Variants in XPR1 observed in about 807,000 individuals in gnomAD.
The protein encoded by XPR1 is solute carrier family 53 member 1.
A neutral mutation model predicts 87.5 loss-of-function variants in XPR1; 28 were observed. The ratio of observed to expected loss-of-function variants is 0.32; its 90% CI spans 0.24 to 0.44. The LOEUF (loss-of-function observed/expected upper bound fraction) is 0.44, where lower values mean the gene tolerates loss of function less well. Ranked by LOEUF, XPR1 falls within the 20% of genes least tolerant of loss-of-function variation. The pLI is 1.00. For missense variants in XPR1, 559 were observed against 862.3 expected (o/e 0.65, Z 4.41); for synonymous variants, 300 against 306.1 (o/e 0.98, Z 0.21).
At chr1:180,817,467 T>G (rs1650452464) in intron 7 of XPR1, among the ~76,000 whole-genome samples, 1 of 152,220 alleles carries the variant, frequency 6.6e-6, no homozygotes, top group Non-Finnish European at 1.5e-5. Flanking sequence ...TATACAGGTG[T>G]ACCATTTTTT....
At chr1:180,760,712 C>A (rs1018880085) in intron 2 of XPR1, among the ~76,000 whole-genome samples, 4 of 152,052 alleles carry the variant, frequency 2.6e-5, no homozygotes, top group Non-Finnish European at 5.9e-5. Flanking sequence ...TAGATTCAAT[C>A]CCATCACCAT....
chr1:180,807,734 A>G (rs902279397), intron 6 of XPR1, among the ~76,000 whole-genome samples: 25 of 152,180 alleles, frequency 1.6e-4, no homozygotes, highest in African/African-American at 6.0e-4. Context: ...GCCAGGCACG[A>G]TGGCTCATGC....
chr1:180,842,390 A>T (rs1399377229), intron 11 of XPR1, among the ~76,000 whole-genome samples: 1 of 152,170 alleles, frequency 6.6e-6, no homozygotes, highest in African/African-American at 2.4e-5. Context: ...AGGAGGTTGG[A>T]GGTTTAGGCA....
At chr1:180,681,072 T>C (rs1571716880) in intron 1 of XPR1, among the ~76,000 whole-genome samples, 1 of 152,078 alleles carries the variant, frequency 6.6e-6, no homozygotes, top group South Asian at 2.1e-4. Context: ...AGAGGGCAGG[T>C]CAGAGGATAG....
rs141223914 is a variant in XPR1 at position 180,641,840 on chromosome 1, G to C, written c.69+9570G>C. 3.3e-3 allele frequency among the ~76,000 whole-genome samples: 502 copies of C among 152,212 alleles called. 3 individuals are homozygous for C. The highest frequency in any genetic ancestry group is 0.012 in the African/African-American group (485 of 41,550). On this transcript the variant is annotated intron_variant, in intron 1 of 14. Coordinates refer to ENST00000367590, the MANE Select transcript of XPR1 (RefSeq NM_004736.4). Reference sequence around the variant, plus strand: ...AGCAGAGCCTGATATAAGAATATTGGCCTTCTGCTTACTGCTGTATCTTGT... The same window carrying C: ...AGCAGAGCCTGATATAAGAATATTGCCCTTCTGCTTACTGCTGTATCTTGT...
chr1:180,657,999 T>G (rs941289597), intron 1 of XPR1, among the ~76,000 whole-genome samples: 2 of 152,162 alleles, frequency 1.3e-5, no homozygotes, highest in African/African-American at 4.8e-5. Context: ...ATTGTAGAGA[T>G]CTATCACTTC....
intron 12 of XPR1, among the ~76,000 whole-genome samples, chr1:180,868,687 T>C (rs1250794273): frequency 8.1e-6 from 1 of 122,898 alleles, no homozygotes; most frequent in African/African-American, 3.5e-5. Context: ...TTTGCTGAAG[T>C]TGCTTATCAG....
intron 2 of XPR1, among the ~76,000 whole-genome samples, chr1:180,728,825 AC>A (rs1658450489): frequency 6.6e-6 from 1 of 152,220 alleles, no homozygotes. Flanking sequence ...ATTAGGAATT[AC>A]AATAATTGTT....
intron 5 of XPR1, 103 bp from the exon 6 acceptor site, chr1:180,806,371 C>A (rs1649992338): frequency 1.4e-6 from 2 of 1,465,930 alleles, no homozygotes; most frequent in South Asian, 1.3e-5. Flanking sequence ...ATATATTCAC[C>A]AAAAAGTTGT....
chr1:180,729,342 C>A (rs1658475452), intron 2 of XPR1, among the ~76,000 whole-genome samples: 1 of 152,056 alleles, frequency 6.6e-6, no homozygotes, highest in Non-Finnish European at 1.5e-5. Context: ...TTTTATATTC[C>A]TTTGGGTGTA....
intron 2 of XPR1, among the ~76,000 whole-genome samples, chr1:180,693,452 T>C (rs1010188694): frequency 4.6e-5 from 7 of 152,224 alleles, no homozygotes; most frequent in Non-Finnish European, 1.0e-4. Context: ...ACTTCAGTTA[T>C]CTGAGGCAGT....
intron 1 of XPR1, among the ~76,000 whole-genome samples, chr1:180,637,994 A>G (rs181244961): frequency 9.2e-5 from 14 of 152,328 alleles, no homozygotes; most frequent in Admixed American, 4.6e-4. Context: ...TCAAAATCAA[A>G]TGAATCCTGA....
intron 7 of XPR1, among the ~76,000 whole-genome samples, chr1:180,815,472 G>C (rs968352610): frequency 2.0e-5 from 3 of 152,130 alleles, no homozygotes; most frequent in Non-Finnish European, 4.4e-5. Context: ...ACAGTGTTGA[G>C]AGTCAAAGAG....
At chr1:180,879,174 C>T (rs896007662) in intron 13 of XPR1, among the ~76,000 whole-genome samples, 1 of 152,184 alleles carries the variant, frequency 6.6e-6, no homozygotes, top group Non-Finnish European at 1.5e-5. Flanking sequence ...TAAATAAATC[C>T]TTTGTCTGTC....
chr1:180,846,853 T>G (rs1007312386), intron 11 of XPR1, among the ~76,000 whole-genome samples: 1 of 144,152 alleles, frequency 6.9e-6, no homozygotes, highest in African/African-American at 2.7e-5. Flanking sequence ...TTTCTTCACA[T>G]AGTAAAAAAA....
intron 1 of XPR1, among the ~76,000 whole-genome samples, chr1:180,659,385 T>TTCCG (rs1655677006): frequency 1.5e-4 from 3 of 20,304 alleles, no homozygotes; most frequent in Admixed American, 5.7e-4. Flanking sequence ...CCTTCCGTCC[T>TTCCG]TCCTTCCTTC....
rs1339293521 is a variant in XPR1 at position 180,889,878 on chromosome 1, CTA to C, written c.*5814_*5815del. Reference sequence around the variant, plus strand: ...CCTGAGCTATAGTTGTCAAAAGTAACTATGGATTGTGATTAGTCCTCTGTGGG... The same window carrying C: ...CCTGAGCTATAGTTGTCAAAAGTAACTGGATTGTGATTAGTCCTCTGTGGG... On this transcript the variant is annotated 3_prime_UTR_variant, in exon 15 of 15. Coordinates refer to ENST00000367590, the MANE Select transcript of XPR1 (RefSeq NM_004736.4). 1 of 152,190 alleles carries C rather than the reference CTA, an allele frequency of 6.6e-6. No individual in the cohort carries two copies. The allele number at this position is 152,190 out of a possible 1,614,324, so 9.4% of individuals were successfully genotyped here.
intron 11 of XPR1, among the ~76,000 whole-genome samples, chr1:180,843,000 A>C (rs1292989530): frequency 6.6e-6 from 1 of 152,246 alleles, no homozygotes; most frequent in Non-Finnish European, 1.5e-5. Flanking sequence ...TCCAATGCCC[A>C]GATCTTTCTA....
intron 2 of XPR1, among the ~76,000 whole-genome samples, chr1:180,746,623 ATAG>A (rs1647266319): frequency 6.6e-6 from 1 of 152,136 alleles, no homozygotes; most frequent in Non-Finnish European, 1.5e-5. Flanking sequence ...GGGTAGATAC[ATAG>A]TAGTGGGATT....
Sources: gnomAD v4.1 joint callset for allele counts (sites outside exome capture counted in the v4.1 genomes callset) on GRCh38, gnomAD v4.1.1 for gene constraint, MANE v1.5 for transcripts, NCBI Gene and HGNC (gene_info 2026-07-23, HGNC 2026-07-21) for gene names.